Variants in SDK2 observed in about 807,000 individuals in gnomAD.
The protein encoded by SDK2 is protein sidekick-2.
A neutral mutation model predicts 253.9 loss-of-function variants in SDK2; 105 were observed. The observed-to-expected ratio is 0.41, with a 90% confidence interval of 0.35 to 0.49. The LOEUF (loss-of-function observed/expected upper bound fraction) is 0.49, where lower values mean the gene tolerates loss of function less well. Ranked by LOEUF, SDK2 falls within the 20% of genes least tolerant of loss-of-function variation. The pLI, the probability that SDK2 is intolerant of heterozygous loss-of-function variation, is 0.06. For synonymous variants in SDK2, 1,249 were observed against 1,234.9 expected (o/e 1.01, Z -0.24); for missense variants, 2,608 against 3,003.0 (o/e 0.87, Z 3.07).
chr17:73,499,859 C>CTGTGTG (rs59872387), intron 2 of SDK2, among the ~76,000 whole-genome samples: 6 of 145,718 alleles, frequency 4.1e-5, no homozygotes, highest in Admixed American at 2.0e-4. Flanking sequence ...GCATGGGAAT[C>CTGTGTG]TGTGTGTGTG....
intron 2 of SDK2, among the ~76,000 whole-genome samples, chr17:73,484,073 C>T (rs2063755522): frequency 6.6e-6 from 1 of 152,042 alleles, no homozygotes; most frequent in Non-Finnish European, 1.5e-5. Context: ...TACAATTGTG[C>T]TTTAGAATTT....
chr17:73,422,526 T>C, intron 14 of SDK2, 92 bp from the exon 15 acceptor site: 2 of 1,444,214 alleles, frequency 1.4e-6, no homozygotes, highest in East Asian at 2.3e-5. Context: ...CCAGCTTCAC[T>C]GGGGCTGGCA....
At chr17:73,552,876 G>A (rs1337927724) in intron 1 of SDK2, among the ~76,000 whole-genome samples, 3 of 152,234 alleles carry the variant, frequency 2.0e-5, no homozygotes, top group Non-Finnish European at 2.9e-5. Flanking sequence ...TTCTCAACTC[G>A]AGAGCCCTTG....
In SDK2 at chr17:73,644,000, T is replaced by C. The variant is rs1381239684; in HGVS notation, c.64+25A>G. On this transcript the variant is annotated intron_variant, in intron 1 of 44. Transcript: ENST00000392650. The surrounding 1 kb of genome is among the most constrained non-coding windows in gnomAD (Gnocchi z 6.9). ...GCCCACTCTCCCAGCCCCCTCCCTG[T>C]CCCCACGTGGGGGTCCCTCCTTACC... 7.7e-7 allele frequency: 1 copy of C among 1,303,896 alleles called. No individual in the cohort carries two copies. The highest frequency in any genetic ancestry group is 2.1e-5 in the Admixed American group (1 of 47,538). 80.8% of individuals were successfully genotyped at this position (1,303,896 alleles called of 1,614,324 possible). A position where few individuals can be genotyped will look rare whatever the true frequency, so the allele number is the denominator to read the frequency against.
chr17:73,387,697 C>T lies in SDK2; in HGVS notation c.4394+139G>A, dbSNP rs73999027. On this transcript the variant is annotated intron_variant, in intron 30 of 44. Coordinates refer to ENST00000392650, the MANE Select transcript of SDK2 (RefSeq NM_001144952.2). Reference sequence around the variant, plus strand: ...CGAGGGTGAGAGTGGACGCGGGGGCCGCCTGGGTGGTGCATGTAGGAGGAG... The same window carrying T: ...CGAGGGTGAGAGTGGACGCGGGGGCTGCCTGGGTGGTGCATGTAGGAGGAG... The T allele has an allele frequency of 8.7e-4, 612 of 706,062 alleles. 5 individuals are homozygous for T. The African/African-American group carries it at 9.6e-3, about 11-fold the overall frequency. The allele number at this position is 706,062 out of a possible 1,614,324, so 43.7% of individuals were successfully genotyped here.
In SDK2 at chr17:73,472,156, C is replaced by A; in HGVS notation, c.287G>T (p.Arg96Leu). 3 of 1,551,668 alleles carry A rather than the reference C, an allele frequency of 1.9e-6. No individual in the cohort carries two copies. Among genetic ancestry groups the A allele is most frequent in the Non-Finnish European group, 2.6e-6 (3 of 1,146,986 alleles). ...TTGCCGCTGCAGCAGGGCCCCCATT[C>A]GGTTCCGCACGATGCAACGGTAAAA... is the stretch of plus-strand genomic sequence containing the variant. ...AGFYRCIVRN[R>L]MGALLQRQTE... The change falls in exon 3 of 45, where the codon CGA becomes CTA. Residue 96 changes from arginine (R) to leucine (L), a missense_variant. By Grantham distance (102) the Arg-to-Leu change is moderately radical. This residue lies in a region of SDK2 where 1,505 missense variants were observed against 1,859.1 expected (regional missense o/e 0.81). Transcript: ENST00000392650.
At chr17:73,462,224 T>G (rs916737099) in intron 3 of SDK2, among the ~76,000 whole-genome samples, 1 of 152,012 alleles carries the variant, frequency 6.6e-6, no homozygotes, top group East Asian at 1.9e-4. Flanking sequence ...TATGGTGGGA[T>G]AGATGGTTGT....
chr17:73,500,483 A>ATC (rs2063881389), intron 2 of SDK2, among the ~76,000 whole-genome samples: 1 of 90,486 alleles, frequency 1.1e-5, no homozygotes, highest in African/African-American at 4.5e-5. Flanking sequence ...TCCCTCCATT[A>ATC]TCCTCCATCC....
intron 36 of SDK2, among the ~76,000 whole-genome samples, chr17:73,375,845 GAC>G (rs903695329): frequency 1.5e-4 from 22 of 144,986 alleles, no homozygotes; most frequent in Non-Finnish European, 7.5e-5. Context: ...GACAGAACAA[GAC>G]TCCATCTCAG....
intron 2 of SDK2, among the ~76,000 whole-genome samples, chr17:73,478,364 G>C (rs1171269650): frequency 2.0e-5 from 3 of 152,148 alleles, no homozygotes; most frequent in Non-Finnish European, 4.4e-5. Context: ...CTTTCTCCCA[G>C]TTCAATGGTC....
intron 2 of SDK2, among the ~76,000 whole-genome samples, chr17:73,492,217 G>C (rs1162262840): frequency 1.3e-5 from 2 of 152,152 alleles, no homozygotes; most frequent in African/African-American, 4.8e-5. Flanking sequence ...AGAGACCAGG[G>C]GGAATAATAA....
chr17:73,391,606 G>T (rs1485559929), intron 27 of SDK2, 68 bp from the exon 28 acceptor site: 4 of 835,726 alleles, frequency 4.8e-6, no homozygotes, highest in African/African-American at 1.8e-5. Flanking sequence ...AGCCCAGCTC[G>T]GGCAGAGCAG....
chr17:73,629,500 C>T lies in SDK2; in HGVS notation c.64+14525G>A, dbSNP rs776829944. Among the ~76,000 whole-genome samples the T allele has an allele frequency of 2.0e-5, 3 of 152,238 alleles. No individual in the cohort carries two copies. Among genetic ancestry groups the T allele is most frequent in the East Asian group, 1.9e-4 (1 of 5,176 alleles). On this transcript the variant is annotated intron_variant, in intron 1 of 44. Coordinates refer to ENST00000392650, the MANE Select transcript of SDK2 (RefSeq NM_001144952.2). This position sits in a 1 kb window ranked among gnomAD's most constrained non-coding sequence, Gnocchi z 5.0. ...TTAGTGATTAGATACGACCAAGGTG[C>T]GTATTTGCTGTCTATAATTGCTGCT... is the stretch of plus-strand genomic sequence containing the variant.
intron 3 of SDK2, among the ~76,000 whole-genome samples, chr17:73,466,400 C>T (rs1445631232): frequency 6.6e-6 from 1 of 152,166 alleles, no homozygotes; most frequent in Non-Finnish European, 1.5e-5. Flanking sequence ...GTTATACAAA[C>T]AATGAAAACC....
intron 3 of SDK2, among the ~76,000 whole-genome samples, chr17:73,463,742 G>A (rs754715292): frequency 1.6e-4 from 24 of 152,130 alleles, no homozygotes; most frequent in South Asian, 2.1e-4. Context: ...CTCCATCCTG[G>A]TCCTTGCCCT....
chr17:73,344,355 G>A (rs942286665), intron 44 of SDK2, among the ~76,000 whole-genome samples: 5 of 152,188 alleles, frequency 3.3e-5, no homozygotes, highest in African/African-American at 1.2e-4. Context: ...CTCAAGGGAG[G>A]TCACTGGGGT....
chr17:73,408,782 C>T (rs1007089649), intron 18 of SDK2, among the ~76,000 whole-genome samples: 1 of 152,038 alleles, frequency 6.6e-6, no homozygotes, highest in African/African-American at 2.4e-5. Flanking sequence ...CTAAAAAAAA[C>T]CCCTCAACTG....
At chr17:73,497,090 G>T (rs2063847391) in intron 2 of SDK2, among the ~76,000 whole-genome samples, 1 of 152,164 alleles carries the variant, frequency 6.6e-6, no homozygotes, top group Admixed American at 6.5e-5. Context: ...AGAGACGGGG[G>T]TTTCACCATA....
At chr17:73,423,819 G>T (rs112527393) in intron 13 of SDK2, 97 bp downstream of exon 13, 1 of 982,150 alleles carries the variant, frequency 1.0e-6, no homozygotes. Flanking sequence ...GTCACACGTG[G>T]CCTGGGGATC....
Sources: allele counts gnomAD v4.1 joint callset (sites outside exome capture counted in the v4.1 genomes callset), GRCh38; gene constraint gnomAD v4.1.1; regional missense constraint gnomAD v4.1.1; non-coding constraint Gnocchi (gnomAD v3.1); transcripts MANE v1.5; gene names NCBI Gene and HGNC (gene_info 2026-07-23, HGNC 2026-07-21).